Variants in CFAP47 observed in about 807,000 individuals in gnomAD.
CFAP47 encodes cilia- and flagella-associated protein 47.
Under a neutral mutation model 148.1 loss-of-function variants are expected in CFAP47, and 29 were observed. The observed-to-expected ratio is 0.20, with a 90% confidence interval of 0.15 to 0.27. The LOEUF (loss-of-function observed/expected upper bound fraction) is 0.27, where lower values mean the gene tolerates loss of function less well. Ranked by LOEUF, CFAP47 falls within the 10% of genes least tolerant of loss-of-function variation. The probability of loss-of-function intolerance (pLI) is 1.00; values close to 1 mark genes in which losing one functional copy is unlikely to be tolerated. For missense variants in CFAP47, 1,872 were observed against 1,697.5 expected (o/e 1.10, Z -1.81); for synonymous variants, 664 against 577.3 (o/e 1.15, Z -2.15).
At chrX:35,964,677 A>G (rs1453018842) in intron 8 of CFAP47, among the ~76,000 whole-genome samples, 1 of 111,179 alleles carries the variant, frequency 9.0e-6, no homozygotes, top group Non-Finnish European at 1.9e-5. Flanking sequence ...TTCAATGTGA[A>G]TAATTTCAAA....
chrX:36,255,041 C>T (rs1288172281), intron 49 of CFAP47, among the ~76,000 whole-genome samples: 2 of 111,720 alleles, frequency 1.8e-5, no homozygotes, highest in African/African-American at 3.3e-5. Context: ...ATTTTCAAGG[C>T]AGCCTGCAGT....
intron 30 of CFAP47, 123 bp downstream of exon 30, chrX:36,085,661 A>G (rs771201016): frequency 3.2e-5 from 11 of 340,710 alleles, no homozygotes; most frequent in Non-Finnish European, 5.6e-5. Context: ...ACACACACAC[A>G]CACACATAAA....
chrX:36,219,413 A>T (rs1374806602), intron 45 of CFAP47, among the ~76,000 whole-genome samples: 3 of 111,479 alleles, frequency 2.7e-5, no homozygotes, highest in African/African-American at 9.8e-5. Context: ...CTCCCTTTCC[A>T]TCATGGCTGG....
rs782460329 is a variant in CFAP47 at position 36,282,347 on chromosome X, G to A, written c.7588+1717G>A. The stretch of plus-strand genomic sequence containing the variant: ...AAGAACCATGAAGGAAAACCTTCAT[G>A]AGGGTTAAAGTGTTCAGAAGAATTT... On this transcript the variant is annotated intron_variant, in intron 50 of 63. Transcript: ENST00000378653. 4.5e-5 allele frequency among the ~76,000 whole-genome samples: 5 copies of A among 111,047 alleles called. No homozygotes were observed. The South Asian group carries it at 1.5e-3, about 33-fold the overall frequency.
At chrX:36,352,893 A>G (rs1556017739) in intron 59 of CFAP47, among the ~76,000 whole-genome samples, 1 of 109,910 alleles carries the variant, frequency 9.1e-6, no homozygotes, top group African/African-American at 3.3e-5. Context: ...ATCACATTTA[A>G]CTTGAATTTT....
chrX:35,975,449 G>T, intron 14 of CFAP47, 86 bp downstream of exon 14: 2 of 673,986 alleles, frequency 3.0e-6, no homozygotes, highest in Non-Finnish European at 4.4e-6. Flanking sequence ...TAATTGTATT[G>T]TATATTATAT....
At chrX:36,110,298 AAGGAAGGGGTCC>A (rs1938534553) in intron 33 of CFAP47, among the ~76,000 whole-genome samples, 1 of 111,687 alleles carries the variant, frequency 9.0e-6, no homozygotes, top group African/African-American at 3.3e-5. Flanking sequence ...TATATAGTGT[AAGGAAGGGGTCC>A]AGTTTCAATC....
chrX:36,318,384 C>T (rs952510448), intron 56 of CFAP47, among the ~76,000 whole-genome samples: 2 of 111,615 alleles, frequency 1.8e-5, no homozygotes, highest in Non-Finnish European at 3.8e-5. Flanking sequence ...TATTTATATA[C>T]AGGCCATCCT....
rs146222812 is a variant in CFAP47, at chrX:36,154,914, C to G, written c.5787-4512C>G. ...TACAGCAGCACCCCCACCCACTTCT[C>G]AATACTAATTTGCCATCTTAGTCCA... On this transcript the variant is annotated intron_variant, in intron 37 of 63. Transcript: ENST00000378653. Among the ~76,000 whole-genome samples, 383 of 109,841 alleles carry G rather than the reference C, an allele frequency of 3.5e-3. 1 individual carries two copies. Among genetic ancestry groups the G allele is most frequent in the African/African-American group, 0.012 (367 of 30,144 alleles).
At chrX:35,969,609 T>TGG (rs1373362994) in intron 10 of CFAP47, among the ~76,000 whole-genome samples, 1 of 112,012 alleles carries the variant, frequency 8.9e-6, no homozygotes, top group Non-Finnish European at 1.9e-5. Context: ...TTAAGGCATT[T>TGG]ACACCACTAC....
rs866743458 is a variant in CFAP47, at chrX:35,923,929, A to G, written c.250-2088A>G. Among the ~76,000 whole-genome samples, 17 of 63,494 alleles carry G rather than the reference A, an allele frequency of 2.7e-4. No individual in the cohort carries two copies. The East Asian group carries it at 2.7e-3, about 10-fold the overall frequency. The allele number at this position is 63,494 out of a possible 115,157, so 55.1% of individuals were successfully genotyped here. The stretch of plus-strand genomic sequence containing the variant: ...TACATGTGTATATATGTACATATAT[A>G]TGTGTATATATGTACATGTGTATAT... On this transcript the variant is annotated intron_variant, in intron 1 of 63. Transcript: ENST00000378653.
intron 49 of CFAP47, among the ~76,000 whole-genome samples, chrX:36,259,300 T>C (rs1179637586): frequency 9.0e-6 from 1 of 111,408 alleles, no homozygotes; most frequent in Non-Finnish European, 1.9e-5. Context: ...AGAAACTGGC[T>C]TAGGGCATGC....
chrX:36,146,366 T>G lies in CFAP47; in HGVS notation c.5670+1013T>G, dbSNP rs188625152. Among the ~76,000 whole-genome samples, 315 of 112,162 alleles carry G rather than the reference T, an allele frequency of 2.8e-3. 1 individual carries two copies. The highest frequency in any genetic ancestry group is 9.3e-3 in the African/African-American group (287 of 30,904). On this transcript the variant is annotated intron_variant, in intron 36 of 63. Coordinates refer to ENST00000378653, the MANE Select transcript of CFAP47 (RefSeq NM_001304548.2). ...GCTAGCTAACGTTTAAAAATAAATT[T>G]AAATTATGATGTTAAAAACCAAATT...
intron 33 of CFAP47, among the ~76,000 whole-genome samples, chrX:36,125,467 G>T: frequency 9.1e-6 from 1 of 109,799 alleles, no homozygotes; most frequent in South Asian, 3.9e-4. Flanking sequence ...TGGAATTCTT[G>T]GTTGATTATT....
chrX:36,209,198 T>A (rs1246555483), intron 45 of CFAP47, among the ~76,000 whole-genome samples: 2 of 111,996 alleles, frequency 1.8e-5, no homozygotes, highest in Non-Finnish European at 3.8e-5. Flanking sequence ...AAAACTTACC[T>A]AATATTAAAA....
At chrX:36,161,882 G>A (rs1201969487) in intron 39 of CFAP47, among the ~76,000 whole-genome samples, 3 of 112,094 alleles carry the variant, frequency 2.7e-5, no homozygotes, top group East Asian at 2.8e-4. Flanking sequence ...CTAGGTGCAT[G>A]TAAGAGAGAA....
At chrX:36,254,103 T>C (rs1384872546) in intron 49 of CFAP47, among the ~76,000 whole-genome samples, 2 of 111,917 alleles carry the variant, frequency 1.8e-5, no homozygotes, top group African/African-American at 6.5e-5. Context: ...AAGGTATGCT[T>C]TGATATATCT....
intron 26 of CFAP47, among the ~76,000 whole-genome samples, chrX:36,051,332 T>G (rs1256908938): frequency 9.0e-6 from 1 of 111,695 alleles, no homozygotes; most frequent in Non-Finnish European, 1.9e-5. Context: ...TGCCAGCCCA[T>G]GAAAGCAGCC....
intron 2 of CFAP47, among the ~76,000 whole-genome samples, chrX:35,930,051 G>A (rs1195930085): frequency 2.7e-5 from 3 of 111,362 alleles, no homozygotes; most frequent in African/African-American, 9.8e-5. Flanking sequence ...ATCCTTTCCT[G>A]ACGATTTTAG....
Sources: allele counts gnomAD v4.1 joint callset (sites outside exome capture counted in the v4.1 genomes callset), GRCh38; gene constraint gnomAD v4.1.1; transcripts MANE v1.5; gene names NCBI Gene and HGNC (gene_info 2026-07-23, HGNC 2026-07-21).